Variants in MAST2 observed in about 807,000 individuals in gnomAD.
The protein encoded by MAST2 is microtubule associated serine/threonine kinase 2, also known as microtubule-associated serine/threonine-protein kinase 2.
In MAST2, 70 loss-of-function variants were observed where a neutral mutation model predicts 147.4. The ratio of observed to expected loss-of-function variants is 0.47; its 90% confidence interval spans 0.39 to 0.58. MAST2 has a LOEUF of 0.58. MAST2 is among the 20% of genes least tolerant of loss of function. MAST2 has a pLI of 0.00. For missense variants in MAST2, 2,080 were observed against 2,302.3 expected (o/e 0.90, Z 1.98); for synonymous variants, 869 against 896.8 (o/e 0.97, Z 0.55).
At chr1:45,895,583 C>G (rs1364604256) in intron 4 of MAST2, among the ~76,000 whole-genome samples, 1 of 152,192 alleles carries the variant, frequency 6.6e-6, no homozygotes, top group Non-Finnish European at 1.5e-5. Flanking sequence ...GTGAGGTGTA[C>G]TTCTCTGATG....
intron 1 of MAST2, among the ~76,000 whole-genome samples, chr1:45,821,976 C>T (rs1644649385): frequency 1.3e-5 from 2 of 149,734 alleles, no homozygotes; most frequent in African/African-American, 4.9e-5. Context: ...GCAACCTCCA[C>T]CTCCCAGGTT....
intron 5 of MAST2, among the ~76,000 whole-genome samples, chr1:45,982,004 G>A (rs1335316201): frequency 1.1e-4 from 16 of 151,864 alleles, no homozygotes; most frequent in Non-Finnish European, 2.1e-4. Context: ...ACACCACCAC[G>A]CCCAGCTAAT....
chr1:45,984,717 G>A (rs1644546173), intron 5 of MAST2, among the ~76,000 whole-genome samples: 1 of 152,194 alleles, frequency 6.6e-6, no homozygotes, highest in Admixed American at 6.5e-5. Flanking sequence ...ATCAGGCACA[G>A]TGGCTCCCAC....
chr1:46,015,063 T>A (rs1339667543), intron 10 of MAST2, among the ~76,000 whole-genome samples: 5 of 151,298 alleles, frequency 3.3e-5, no homozygotes, highest in Non-Finnish European at 5.9e-5. Flanking sequence ...AACAACCTGC[T>A]CCTGAATGAC....
intron 26 of MAST2, 126 bp downstream of exon 26, chr1:46,032,844 C>A: frequency 7.5e-7 from 1 of 1,334,736 alleles, no homozygotes; most frequent in Non-Finnish European, 1.0e-6. Context: ...TGTAGGTACA[C>A]ACAGGCCGGG....
chr1:45,909,851 C>A (rs1440504945), intron 4 of MAST2, among the ~76,000 whole-genome samples: 1 of 150,554 alleles, frequency 6.6e-6, no homozygotes, highest in East Asian at 2.0e-4. Flanking sequence ...CTCGCTCTGT[C>A]GACCAGGCTG....
intron 4 of MAST2, among the ~76,000 whole-genome samples, chr1:45,891,443 T>TA (rs1647759504): frequency 6.6e-6 from 1 of 152,074 alleles, no homozygotes; most frequent in South Asian, 2.1e-4. Flanking sequence ...TGTGCCACTG[T>TA]ACTCCACCCT....
chr1:46,032,465 T>C, intron 25 of MAST2, 61 bp downstream of exon 25: 1 of 1,603,898 alleles, frequency 6.2e-7, no homozygotes, highest in Non-Finnish European at 8.5e-7. Context: ...GCTTCCCCTT[T>C]GTGGAGCCCA....
intron 5 of MAST2, among the ~76,000 whole-genome samples, chr1:45,980,526 GT>G (rs956172898): frequency 2.0e-5 from 3 of 152,090 alleles, no homozygotes; most frequent in African/African-American, 7.2e-5. Context: ...TCTTCAGAAT[GT>G]TTTGTTGTTT....
intron 1 of MAST2, among the ~76,000 whole-genome samples, chr1:45,805,543 A>G (rs1285368497): frequency 6.6e-6 from 1 of 152,152 alleles, no homozygotes; most frequent in Admixed American, 6.5e-5. Context: ...CATCTAGTCA[A>G]AACTTGTACA....
intron 3 of MAST2, among the ~76,000 whole-genome samples, chr1:45,868,022 C>G (rs1646230416): frequency 6.6e-6 from 1 of 152,216 alleles, no homozygotes; most frequent in African/African-American, 2.4e-5. Context: ...CAGTCACACA[C>G]TACAACATCC....
At chr1:45,991,251 G>A (rs1017867958) in intron 5 of MAST2, among the ~76,000 whole-genome samples, 1 of 152,146 alleles carries the variant, frequency 6.6e-6, no homozygotes, top group Non-Finnish European at 1.5e-5. Flanking sequence ...GCTGATTTAT[G>A]TATCTGTTCT....
chr1:45,822,554 A>G (rs1034322364), intron 1 of MAST2, among the ~76,000 whole-genome samples: 8 of 152,188 alleles, frequency 5.3e-5, no homozygotes, highest in Admixed American at 4.6e-4. Context: ...TTCTCTGGCT[A>G]AGACGGATTA....
intron 1 of MAST2, among the ~76,000 whole-genome samples, chr1:45,820,891 C>A (rs929304641): frequency 1.5e-5 from 1 of 68,148 alleles, no homozygotes; most frequent in Non-Finnish European, 3.0e-5. Flanking sequence ...CTCTTTCTTT[C>A]TCTTTTTTTT....
intron 2 of MAST2, 149 bp downstream of exon 2, chr1:45,824,729 C>G: frequency 1.3e-6 from 1 of 772,226 alleles, no homozygotes; most frequent in East Asian, 2.8e-5. Context: ...CCTCTCCTTA[C>G]TTCTTCCTCA....
At chr1:45,867,644 T>G (rs1388614508) in intron 3 of MAST2, among the ~76,000 whole-genome samples, 1 of 152,078 alleles carries the variant, frequency 6.6e-6, no homozygotes, top group Non-Finnish European at 1.5e-5. Flanking sequence ...AAGCAAGAAA[T>G]AATAACAGAT....
At chr1:45,932,220 T>C (rs1413360632) in intron 4 of MAST2, among the ~76,000 whole-genome samples, 1 of 152,210 alleles carries the variant, frequency 6.6e-6, no homozygotes, top group East Asian at 1.9e-4. Flanking sequence ...CCTCTGTTTT[T>C]AGGATCCATT....
intron 4 of MAST2, among the ~76,000 whole-genome samples, chr1:45,888,467 A>G (rs1425870519): frequency 6.6e-6 from 1 of 151,804 alleles, no homozygotes; most frequent in Non-Finnish European, 1.5e-5. Flanking sequence ...GGTTCACACC[A>G]TTCTCCCACC....
At chr1:45,913,911 C>A (rs1652063254) in intron 4 of MAST2, 3 of 1,187,752 alleles carry the variant, frequency 2.5e-6, no homozygotes, top group African/African-American at 3.3e-5. Context: ...TGGAAACTGG[C>A]AGATGTCAGG....
Sources: gnomAD v4.1 joint callset for allele counts (sites outside exome capture counted in the v4.1 genomes callset) on GRCh38, gnomAD v4.1.1 for gene constraint, MANE v1.5 for transcripts, NCBI Gene and HGNC (gene_info 2026-07-23, HGNC 2026-07-21) for gene names.